The following CDKAL1 variants were observed in gnomAD, a reference collection of about 807,000 sequenced individuals.
The protein encoded by CDKAL1 is CDKAL1 threonylcarbamoyladenosine tRNA methylthiotransferase, also known as threonylcarbamoyladenosine tRNA methylthiotransferase.
CDKAL1 carries 32 observed loss-of-function variants against 68.2 expected under a neutral mutation model. The ratio of observed to expected loss-of-function variants is 0.47; its 90% CI spans 0.35 to 0.63. The LOEUF (loss-of-function observed/expected upper bound fraction) is 0.63. Ranked by LOEUF, CDKAL1 falls within the 30% of genes least tolerant of loss-of-function variation. CDKAL1 has a pLI of 0.00. For synonymous variants in CDKAL1, 234 were observed against 244.3 expected (o/e 0.96, Z 0.39); for missense variants, 606 against 696.7 (o/e 0.87, Z 1.47).
chr6:20,834,906 T>G (rs774784498), intron 8 of CDKAL1, among the ~76,000 whole-genome samples: 1 of 152,176 alleles, frequency 6.6e-6, no homozygotes, highest in Non-Finnish European at 1.5e-5. Context: ...TATCACCCCA[T>G]AGTGCCATAG....
intron 7 of CDKAL1, among the ~76,000 whole-genome samples, chr6:20,771,893 G>C (rs1029257878): frequency 6.6e-6 from 1 of 152,210 alleles, no homozygotes; most frequent in African/African-American, 2.4e-5. Flanking sequence ...CATACTTCCC[G>C]TACAGCCTGC....
chr6:20,549,242 G>A (rs1482386035), intron 4 of CDKAL1, among the ~76,000 whole-genome samples: 3 of 152,050 alleles, frequency 2.0e-5, no homozygotes, highest in Non-Finnish European at 4.4e-5. Flanking sequence ...TGATTATTAT[G>A]TAGAATGTCC....
chr6:21,184,175 C>G (rs796648769), intron 13 of CDKAL1, among the ~76,000 whole-genome samples: 1 of 150,620 alleles, frequency 6.6e-6, no homozygotes, highest in African/African-American at 2.5e-5. Flanking sequence ...AATATTTTAC[C>G]CCGAAATACA....
At chr6:21,052,321 C>G (rs912213762) in intron 11 of CDKAL1, among the ~76,000 whole-genome samples, 2 of 151,936 alleles carry the variant, frequency 1.3e-5, no homozygotes, top group African/African-American at 2.4e-5. Flanking sequence ...TTATTCCTGG[C>G]CTTTTATTTT....
At chr6:20,761,983 G>C (rs1774489427) in intron 7 of CDKAL1, among the ~76,000 whole-genome samples, 1 of 152,162 alleles carries the variant, frequency 6.6e-6, no homozygotes, top group Admixed American at 6.6e-5. Context: ...TCTGTTGTAG[G>C]ATATTGATAG....
intron 8 of CDKAL1, among the ~76,000 whole-genome samples, chr6:20,792,673 C>A (rs557146511): frequency 6.6e-6 from 1 of 152,130 alleles, no homozygotes; most frequent in Non-Finnish European, 1.5e-5. Context: ...TGGAAGATAT[C>A]CTCTATCAAG....
chr6:21,172,486 A>C (rs1301590356), intron 13 of CDKAL1, among the ~76,000 whole-genome samples: 2 of 152,152 alleles, frequency 1.3e-5, no homozygotes, highest in Non-Finnish European at 2.9e-5. Context: ...GAGGTGGTTC[A>C]CGCCTGTAAT....
At chr6:20,936,405 T>C (rs372170645) in intron 9 of CDKAL1, among the ~76,000 whole-genome samples, 11 of 150,508 alleles carry the variant, frequency 7.3e-5, no homozygotes, top group East Asian at 3.9e-4. Flanking sequence ...CGCCCGCCAC[T>C]ACGCCCGGCT....
intron 9 of CDKAL1, among the ~76,000 whole-genome samples, chr6:20,929,236 C>T (rs1472496514): frequency 6.6e-6 from 1 of 152,206 alleles, no homozygotes; most frequent in Non-Finnish European, 1.5e-5. Context: ...CAAGAGATGA[C>T]TTAAATATCT....
At chr6:21,000,494 C>T (rs1581999809) in intron 11 of CDKAL1, 122 bp downstream of exon 11, 1 of 801,360 alleles carries the variant, frequency 1.2e-6, no homozygotes, top group Non-Finnish European at 1.9e-6. Context: ...ACTTTCGAAG[C>T]TTTCAAAGCC....
chr6:20,853,413 A>AC (rs150054835), intron 9 of CDKAL1, among the ~76,000 whole-genome samples: 13,989 of 147,934 alleles, frequency 0.095, 751 homozygotes, highest in African/African-American at 0.13. Flanking sequence ...AAAAAAAAAA[A>AC]CCCTATATGA....
intron 8 of CDKAL1, among the ~76,000 whole-genome samples, chr6:20,822,901 A>T (rs1427846379): frequency 6.6e-6 from 1 of 152,174 alleles, no homozygotes; most frequent in Non-Finnish European, 1.5e-5. Context: ...GCAGTTCTTT[A>T]TAGCCATGTG....
intron 13 of CDKAL1, among the ~76,000 whole-genome samples, chr6:21,153,145 C>A (rs1160558564): frequency 1.3e-5 from 2 of 151,506 alleles, no homozygotes; most frequent in Non-Finnish European, 2.9e-5. Flanking sequence ...ATATTCTTAA[C>A]CTGTTTTTTC....
chr6:20,999,911 T>C (rs1767341983), intron 10 of CDKAL1, among the ~76,000 whole-genome samples: 1 of 152,168 alleles, frequency 6.6e-6, no homozygotes, highest in African/African-American at 2.4e-5. Context: ...GGAAGTGAAG[T>C]AGAAATGGTG....
intron 8 of CDKAL1, among the ~76,000 whole-genome samples, chr6:20,786,494 C>CTTTTTTTTTTTTTTT (rs1197574844): frequency 1.1e-4 from 9 of 80,770 alleles, no homozygotes; most frequent in Admixed American, 1.7e-4. Flanking sequence ...TTTTTCTTAT[C>CTTTTTTTTTTTTTTT]TTTTTTTTTT....
chr6:20,659,675 G>A (rs1769195892), intron 5 of CDKAL1, among the ~76,000 whole-genome samples: 1 of 152,092 alleles, frequency 6.6e-6, no homozygotes, highest in Admixed American at 6.5e-5. Flanking sequence ...CTCCAGCCTT[G>A]TATATCCCAC....
Position 20,546,414 on chromosome 6 carries a change from T to G in CDKAL1, c.64T>G (p.Ser22Ala). 6.2e-7 allele frequency: 1 copy of G among 1,614,066 alleles called. No homozygotes were observed. The change falls in exon 3 of 16, where the codon TCA (serine) becomes GCA (alanine). Residue 22 changes from serine (S) to alanine (A), a missense_variant. By Grantham distance (99) the Ser-to-Ala change is moderately conservative. Coordinates refer to ENST00000274695, the MANE Select transcript of CDKAL1 (RefSeq NM_017774.3). ...CGAAGATATCGTGTCTCAGGAAGAT[T>G]CAAAACCACAAGATAGGCATTTTGT... is the stretch of plus-strand genomic sequence containing the variant. ...DIEDIVSQED[S>A]KPQDRHFVRK...
intron 13 of CDKAL1, among the ~76,000 whole-genome samples, chr6:21,192,152 G>T (rs1778278961): frequency 6.7e-6 from 1 of 148,496 alleles, no homozygotes; most frequent in South Asian, 2.2e-4. Flanking sequence ...CTCCCGAGTA[G>T]CTGGGACTAC....
At chr6:20,565,457 C>G (rs1007867636) in intron 4 of CDKAL1, among the ~76,000 whole-genome samples, 1 of 152,064 alleles carries the variant, frequency 6.6e-6, no homozygotes, top group African/African-American at 2.4e-5. Flanking sequence ...TCTGAAATGA[C>G]TGTCTCAGTT....
Sources: gnomAD v4.1 joint callset for allele counts (sites outside exome capture counted in the v4.1 genomes callset) on GRCh38, gnomAD v4.1.1 for gene constraint, MANE v1.5 for transcripts, NCBI Gene and HGNC (gene_info 2026-07-23, HGNC 2026-07-21) for gene names.